IL1RAPL2: variants seen among roughly 807,000 people sequenced by gnomAD.
IL1RAPL2 encodes interleukin 1 receptor accessory protein like 2, also known as X-linked interleukin-1 receptor accessory protein-like 2.
Under a neutral mutation model 44.1 loss-of-function variants are expected in IL1RAPL2, and 3 were observed. The ratio of observed to expected loss-of-function variants is 0.07; its 90% CI spans 0.03 to 0.18. IL1RAPL2 has a LOEUF of 0.18. Among genes scored for constraint, IL1RAPL2 ranks in the 10% least tolerant of loss-of-function variants. IL1RAPL2 has a pLI of 1.00. For synonymous variants in IL1RAPL2, 181 were observed against 178.8 expected, an observed-to-expected ratio of 1.01 and a Z score of -0.10; for missense variants, 391 against 496.4, an observed-to-expected ratio of 0.79 and a Z score of 2.02.
intron 2 of IL1RAPL2, among the ~76,000 whole-genome samples, chrX:104,978,551 A>T (rs766773283): frequency 1.8e-5 from 2 of 112,265 alleles, no homozygotes; most frequent in South Asian, 7.4e-4. Context: ...CGATCATTTG[A>T]CTTAGCTCTG....
intron 6 of IL1RAPL2, among the ~76,000 whole-genome samples, chrX:105,651,053 T>A (rs759451254): frequency 1.8e-5 from 2 of 112,113 alleles, no homozygotes; most frequent in South Asian, 3.7e-4. Context: ...TGCTCTTTTT[T>A]AAAACAGTTA....
At chrX:105,304,158 A>T (rs2034717030) in intron 5 of IL1RAPL2, among the ~76,000 whole-genome samples, 1 of 112,695 alleles carries the variant, frequency 8.9e-6, no homozygotes, top group Non-Finnish European at 1.9e-5. Flanking sequence ...AGCAGCCAGA[A>T]TATGTTCATT....
At chrX:104,825,717 T>C (rs1400153733) in intron 2 of IL1RAPL2, among the ~76,000 whole-genome samples, 2 of 112,254 alleles carry the variant, frequency 1.8e-5, no homozygotes, top group African/African-American at 6.5e-5. Flanking sequence ...ACAAAATATA[T>C]TATCAGTTGC....
intron 6 of IL1RAPL2, among the ~76,000 whole-genome samples, chrX:105,485,966 A>G (rs776513981): frequency 8.9e-6 from 1 of 111,930 alleles, no homozygotes; most frequent in Admixed American, 9.5e-5. Flanking sequence ...TCTTTTGGGT[A>G]TATGCCTAGC....
At chrX:105,130,904 G>A (rs961982084) in intron 2 of IL1RAPL2, among the ~76,000 whole-genome samples, 1 of 110,990 alleles carries the variant, frequency 9.0e-6, no homozygotes, top group Non-Finnish European at 1.9e-5. Flanking sequence ...CTAATAAAGT[G>A]GATATTCTTT....
chrX:104,752,300 TGAGA>T (rs1212843262), intron 2 of IL1RAPL2, among the ~76,000 whole-genome samples: 6 of 108,726 alleles, frequency 5.5e-5, no homozygotes, highest in Non-Finnish European at 9.6e-5. Flanking sequence ...TGTGTGTGTG[TGAGA>T]GAGAGAGAGG....
chrX:105,292,453 C>A (rs1202533280), intron 5 of IL1RAPL2, among the ~76,000 whole-genome samples: 1 of 111,856 alleles, frequency 8.9e-6, no homozygotes, highest in African/African-American at 3.2e-5. Flanking sequence ...TGTTAAAATA[C>A]TTCCTTATTT....
intron 10 of IL1RAPL2, among the ~76,000 whole-genome samples, chrX:105,763,048 C>T (rs949262937): frequency 9.9e-5 from 11 of 111,507 alleles, no homozygotes; most frequent in Admixed American, 7.6e-4. Flanking sequence ...AACTTGATAC[C>T]TGTTTCTGCT....
intron 5 of IL1RAPL2, among the ~76,000 whole-genome samples, chrX:105,301,155 C>T (rs1215403211): frequency 9.0e-6 from 1 of 111,676 alleles, no homozygotes; most frequent in East Asian, 2.8e-4. Context: ...TCAGTAGGAC[C>T]AACTTATTGG....
At chrX:104,988,606 C>A (rs1048689658) in intron 2 of IL1RAPL2, among the ~76,000 whole-genome samples, 1 of 111,906 alleles carries the variant, frequency 8.9e-6, no homozygotes, top group Non-Finnish European at 1.9e-5. Flanking sequence ...CCCAAGAAGG[C>A]ACTATGACAA....
At chrX:105,595,106 T>G (rs1353830504) in intron 6 of IL1RAPL2, among the ~76,000 whole-genome samples, 1 of 112,184 alleles carries the variant, frequency 8.9e-6, no homozygotes, top group African/African-American at 3.2e-5. Context: ...ATTTTAACAA[T>G]AGCACAGAGT....
chrX:104,649,288 A>T (rs1307888437), intron 1 of IL1RAPL2, among the ~76,000 whole-genome samples: 1 of 112,005 alleles, frequency 8.9e-6, no homozygotes. Context: ...TTCAAATGAC[A>T]GAAGTGCTTG....
intron 6 of IL1RAPL2, among the ~76,000 whole-genome samples, chrX:105,620,365 T>A (rs1367626465): frequency 9.0e-6 from 1 of 110,740 alleles, no homozygotes; most frequent in Admixed American, 9.7e-5. Flanking sequence ...AATTATGGAG[T>A]TGATTTCCTC....
intron 2 of IL1RAPL2, among the ~76,000 whole-genome samples, chrX:104,902,636 C>T (rs769326123): frequency 1.8e-5 from 2 of 111,781 alleles, no homozygotes; most frequent in South Asian, 3.7e-4. Context: ...GTGACATTTC[C>T]GTTGCAGAAT....
At chrX:105,522,793 A>G (rs2036568925) in intron 6 of IL1RAPL2, among the ~76,000 whole-genome samples, 1 of 111,919 alleles carries the variant, frequency 8.9e-6, no homozygotes, top group South Asian at 3.7e-4. Flanking sequence ...TGCTGGTACA[A>G]TGCTGCCCAT....
chrX:105,031,186 C>A (rs1401596046), intron 2 of IL1RAPL2, among the ~76,000 whole-genome samples: 1 of 109,996 alleles, frequency 9.1e-6, no homozygotes, highest in African/African-American at 3.3e-5. Context: ...ATGACATCTG[C>A]AAACAGGGAC....
intron 2 of IL1RAPL2, among the ~76,000 whole-genome samples, chrX:104,906,675 A>G (rs1017971509): frequency 7.2e-5 from 8 of 111,713 alleles, no homozygotes; most frequent in African/African-American, 2.3e-4. Context: ...CATGGTGGAT[A>G]AGCTTTTTGA....
intron 2 of IL1RAPL2, among the ~76,000 whole-genome samples, chrX:104,687,689 A>C (rs1226319050): frequency 9.0e-6 from 1 of 111,332 alleles, no homozygotes; most frequent in Non-Finnish European, 1.9e-5. Flanking sequence ...AAATTTCAAA[A>C]ATTTCTGTCT....
chrX:105,170,020 T>A (rs2033409781), intron 2 of IL1RAPL2, among the ~76,000 whole-genome samples: 1 of 110,414 alleles, frequency 9.1e-6, no homozygotes, highest in Non-Finnish European at 1.9e-5. Context: ...TACCTTCTCC[T>A]AGCCACCTGA....
Sources: gnomAD v4.1 joint callset for allele counts (sites outside exome capture counted in the v4.1 genomes callset) on GRCh38, gnomAD v4.1.1 for gene constraint, MANE v1.5 for transcripts, NCBI Gene and HGNC (gene_info 2026-07-23, HGNC 2026-07-21) for gene names.